The following NAALADL2 variants were observed in gnomAD, a reference collection of about 807,000 sequenced individuals.
NAALADL2 encodes the protein N-acetylated alpha-linked acidic dipeptidase like 2.
A neutral mutation model predicts 87.2 loss-of-function variants in NAALADL2; 76 were observed. The ratio of observed to expected loss-of-function variants is 0.87; its 90% CI spans 0.72 to 1.05. The LOEUF (loss-of-function observed/expected upper bound fraction) is 1.05, where lower values mean the gene tolerates loss of function less well. Among genes scored for constraint, NAALADL2 ranks in the 50% least tolerant of loss-of-function variants. The pLI is 0.00. For missense variants in NAALADL2, 1,089 were observed against 945.8 expected (o/e 1.15, Z -1.99); for synonymous variants, 354 against 331.0 (o/e 1.07, Z -0.75).
At chr3:174,969,244 T>A (rs78729355) in intron 1 of NAALADL2, among the ~76,000 whole-genome samples, 1 of 152,202 alleles carries the variant, frequency 6.6e-6, no homozygotes, top group Admixed American at 6.5e-5. Context: ...CTTCATGTTA[T>A]CTTAAATGTC....
At chr3:174,716,435 C>T (rs1037014970) in intron 2 of NAALADL2, among the ~76,000 whole-genome samples, 7 of 151,952 alleles carry the variant, frequency 4.6e-5, no homozygotes, top group African/African-American at 1.7e-4. Flanking sequence ...TGATAATATG[C>T]AATTTTGGTG....
chr3:174,969,842 AAAAT>A (rs1054259695), intron 1 of NAALADL2, among the ~76,000 whole-genome samples: 3 of 152,226 alleles, frequency 2.0e-5, no homozygotes, highest in African/African-American at 7.2e-5. Context: ...CAGAAGACAG[AAAAT>A]AAAGAAGACC....
chr3:175,647,643 T>C (rs1338671912), intron 11 of NAALADL2, among the ~76,000 whole-genome samples: 1 of 152,192 alleles, frequency 6.6e-6, no homozygotes, highest in East Asian at 1.9e-4. Context: ...TTGATGTATT[T>C]GCTACTTAAG....
At chr3:174,543,261 A>G (rs1722415789) in intron 1 of NAALADL2, among the ~76,000 whole-genome samples, 2 of 152,152 alleles carry the variant, frequency 1.3e-5, no homozygotes, top group Non-Finnish European at 1.5e-5. Context: ...AGGCAAGATG[A>G]TTGGCTAGGG....
At chr3:175,180,578 T>C (rs1390099955) in intron 2 of NAALADL2, among the ~76,000 whole-genome samples, 1 of 152,024 alleles carries the variant, frequency 6.6e-6, no homozygotes, top group African/African-American at 2.4e-5. Context: ...TGTATCTCTC[T>C]ATTAGTAAAT....
chr3:175,500,867 C>G (rs74460414), intron 9 of NAALADL2, among the ~76,000 whole-genome samples: 3,274 of 152,144 alleles, frequency 0.022, 116 homozygotes, highest in African/African-American at 0.074. Context: ...TGAAATAGTG[C>G]ATTGAAAAAT....
chr3:175,337,831 T>A, intron 5 of NAALADL2, among the ~76,000 whole-genome samples: 1 of 152,220 alleles, frequency 6.6e-6, no homozygotes, highest in East Asian at 1.9e-4. Context: ...AAATGCTGAC[T>A]GTAGCAACTA....
At chr3:175,517,148 A>G (rs778303819) in intron 9 of NAALADL2, among the ~76,000 whole-genome samples, 6 of 152,166 alleles carry the variant, frequency 3.9e-5, no homozygotes, top group Admixed American at 1.3e-4. Flanking sequence ...TATGCCCTTT[A>G]TATTTCTTCC....
At chr3:174,452,432 G>T (rs533496027) in intron 1 of NAALADL2, among the ~76,000 whole-genome samples, 1 of 152,284 alleles carries the variant, frequency 6.6e-6, no homozygotes, top group East Asian at 1.9e-4. Flanking sequence ...ATACCCTGCT[G>T]CATTGCTGCT....
intron 13 of NAALADL2, among the ~76,000 whole-genome samples, chr3:175,786,821 T>C (rs1042734202): frequency 6.6e-6 from 1 of 152,112 alleles, no homozygotes; most frequent in Non-Finnish European, 1.5e-5. Flanking sequence ...TTCTGTTCTG[T>C]TTTTTCCCCA....
chr3:175,560,537 T>G (rs1342570427), intron 9 of NAALADL2, among the ~76,000 whole-genome samples: 1 of 152,194 alleles, frequency 6.6e-6, no homozygotes, highest in East Asian at 1.9e-4. Context: ...TGATCTTTCT[T>G]TTCTAGTTCT....
In NAALADL2 at chr3:175,520,056, ATAAT is replaced by A. The variant is rs1174223057; in HGVS notation, c.1653+48302_1653+48305del. On this transcript the variant is annotated intron_variant, in intron 9 of 13. Coordinates refer to ENST00000454872, the MANE Select transcript of NAALADL2 (RefSeq NM_207015.3). ...AATGCTATAGTTTCTATTATAATAG[ATAAT>A]TAAGGGAGACATGTCTTAGTAACAG... Among the ~76,000 whole-genome samples the A allele has an allele frequency of 2.6e-5, 4 of 152,118 alleles. No individual in the cohort carries two copies. In the East Asian group the frequency reaches 5.8e-4, roughly 22 times the overall value.
chr3:175,204,128 A>G (rs1222233524), intron 2 of NAALADL2, among the ~76,000 whole-genome samples: 1 of 152,152 alleles, frequency 6.6e-6, no homozygotes, highest in Admixed American at 6.5e-5. Flanking sequence ...CAAAACCAGG[A>G]AGGGACATAA....
At chr3:175,718,418 A>G in intron 11 of NAALADL2, 2 of 1,589,596 alleles carry the variant, frequency 1.3e-6, no homozygotes, top group Non-Finnish European at 8.6e-7. Context: ...TTTTGTTACA[A>G]ATCTTAAAAA....
chr3:175,554,750 T>C lies in NAALADL2; in HGVS notation c.1654-21291T>C, dbSNP rs373190221. Reference sequence around the variant, plus strand: ...AATTTAATAAGCAAAAATCCCATAATTACATTAGTACATATTTAACTTAAG... The same window carrying C: ...AATTTAATAAGCAAAAATCCCATAACTACATTAGTACATATTTAACTTAAG... On this transcript the variant is annotated intron_variant, in intron 9 of 13. Coordinates refer to ENST00000454872, the MANE Select transcript of NAALADL2 (RefSeq NM_207015.3). Among the ~76,000 whole-genome samples the C allele has an allele frequency of 2.2e-4, 34 of 152,292 alleles. No homozygotes were observed. In the East Asian group the frequency reaches 4.2e-3, roughly 19 times the overall value.
At chr3:174,910,379 T>G (rs990485143) in intron 1 of NAALADL2, among the ~76,000 whole-genome samples, 1 of 152,080 alleles carries the variant, frequency 6.6e-6, no homozygotes, top group African/African-American at 2.4e-5. Context: ...TTTTTTCCAC[T>G]CAACATTATT....
rs75103943 is a variant in NAALADL2 at position 175,693,325 on chromosome 3, G to T, written c.1897-43981G>T. 6.0e-3 allele frequency among the ~76,000 whole-genome samples: 915 copies of T among 152,224 alleles called. 9 individuals are homozygous for T. Among genetic ancestry groups the T allele is most frequent in the African/African-American group, 0.021 (854 of 41,536 alleles). On this transcript the variant is annotated intron_variant, in intron 11 of 13. Transcript: ENST00000454872. ...GGCCTAAATTCCCCTACACTAAATT[G>T]TGTTATTAATTTATTTGATATGGCT...
chr3:175,797,339 G>C (rs1202942183), intron 13 of NAALADL2, among the ~76,000 whole-genome samples: 2 of 152,026 alleles, frequency 1.3e-5, no homozygotes, highest in Non-Finnish European at 2.9e-5. Flanking sequence ...TTTTAATTAG[G>C]TCTGATGTCT....
chr3:175,231,217 T>G (rs1244737793), intron 2 of NAALADL2, among the ~76,000 whole-genome samples: 4 of 152,038 alleles, frequency 2.6e-5, no homozygotes, highest in Non-Finnish European at 4.4e-5. Flanking sequence ...GTCAGATTGA[T>G]GCTACCCTGG....
Sources: gnomAD v4.1 joint callset for allele counts (sites outside exome capture counted in the v4.1 genomes callset) on GRCh38, gnomAD v4.1.1 for gene constraint, MANE v1.5 for transcripts, NCBI Gene and HGNC (gene_info 2026-07-23, HGNC 2026-07-21) for gene names.